Variants in ADCY8 observed in about 807,000 individuals in gnomAD.
ADCY8 encodes the protein adenylate cyclase type 8.
ADCY8 carries 51 observed loss-of-function variants against 119.7 expected under a neutral mutation model. That is an observed-to-expected ratio of 0.43 (90% CI 0.34 to 0.54). The LOEUF is 0.54. Ranked by LOEUF, ADCY8 falls within the 20% of genes least tolerant of loss-of-function variation. ADCY8 has a pLI of 0.03. For missense variants in ADCY8, 1,383 were observed against 1,598.8 expected (o/e 0.87, Z 2.30); for synonymous variants, 665 against 651.0 (o/e 1.02, Z -0.33).
intron 11 of ADCY8, among the ~76,000 whole-genome samples, chr8:130,843,040 A>C (rs1041905134): frequency 6.6e-6 from 1 of 152,008 alleles, no homozygotes; most frequent in African/African-American, 2.4e-5. Flanking sequence ...TAAATCCTAG[A>C]TATTTTTGTA....
intron 7 of ADCY8, among the ~76,000 whole-genome samples, chr8:130,889,845 T>C (rs1819120311): frequency 6.6e-6 from 1 of 152,132 alleles, no homozygotes; most frequent in African/African-American, 2.4e-5. Context: ...ATTTTATGCA[T>C]TGAAACATGT....
At chr8:130,948,955 C>G (rs1256248094) in intron 3 of ADCY8, among the ~76,000 whole-genome samples, 1 of 152,174 alleles carries the variant, frequency 6.6e-6, no homozygotes, top group Admixed American at 6.5e-5. Flanking sequence ...GCGGGCATCT[C>G]ACCACGCTGC....
At chr8:130,885,114 T>G (rs755788429) in intron 7 of ADCY8, among the ~76,000 whole-genome samples, 2 of 151,902 alleles carry the variant, frequency 1.3e-5, no homozygotes, top group Non-Finnish European at 2.9e-5. Context: ...AGAAAGTAAA[T>G]ATATGTTAAA....
At chr8:130,948,121 C>G (rs922557206) in intron 3 of ADCY8, among the ~76,000 whole-genome samples, 2 of 152,166 alleles carry the variant, frequency 1.3e-5, no homozygotes, top group Admixed American at 6.5e-5. Context: ...AACAAAGGAG[C>G]CTTTGTTCCT....
At position 130,855,693 on chromosome 8, in the gene ADCY8, G is replaced by A. The variant is rs549505561; in HGVS notation, c.2211-5890C>T. ...TGTCCAGTGCCAAGTCCAGATCCGC[G>A]GGCTCATCCTGGTCTTCTCCATCTC... On this transcript the variant is annotated intron_variant, in intron 9 of 17. Coordinates refer to ENST00000286355, the MANE Select transcript of ADCY8 (RefSeq NM_001115.3). Among the ~76,000 whole-genome samples the A allele has an allele frequency of 9.9e-5, 15 of 151,710 alleles. No individual in the cohort carries two copies. The East Asian group carries it at 2.3e-3, about 24-fold the overall frequency.
Position 131,008,469 on chromosome 8 carries a change from C to T in ADCY8, c.961-17927G>A, listed in dbSNP as rs151137852. ...GGCACTCATTCTCTCTTCTGCTGCC[C>T]TGTGAAGAAGTGCCTTACACTATAA... On this transcript the variant is annotated intron_variant, in intron 1 of 17. Coordinates refer to ENST00000286355, the MANE Select transcript of ADCY8 (RefSeq NM_001115.3). 5.0e-4 allele frequency among the ~76,000 whole-genome samples: 76 copies of T among 152,310 alleles called. No homozygotes were observed. In the East Asian group the frequency reaches 0.014, roughly 29 times the overall value.
At chr8:130,839,255 G>A (rs775793010) in intron 11 of ADCY8, among the ~76,000 whole-genome samples, 1 of 139,950 alleles carries the variant, frequency 7.1e-6, no homozygotes, top group Non-Finnish European at 1.6e-5. Context: ...GTGTTGATGG[G>A]TCTTTCTCGT....
intron 2 of ADCY8, among the ~76,000 whole-genome samples, chr8:130,971,541 A>G (rs925836821): frequency 6.6e-6 from 1 of 152,160 alleles, no homozygotes; most frequent in Non-Finnish European, 1.5e-5. Context: ...CAAACTCTCA[A>G]AATGATGCAA....
rs35806429 is a variant in ADCY8 at position 130,882,118 on chromosome 8, G to GTT, written c.2109+2444_2109+2445dup. The stretch of plus-strand genomic sequence containing the variant: ...TTTCCTCTTAGAAACCCATATTGAG[G>GTT]TTTTTTTTTTTTTTTTTTCCTTTCT... On this transcript the variant is annotated intron_variant, in intron 8 of 17. Transcript: ENST00000286355. Among the ~76,000 whole-genome samples, 170 of 133,054 alleles carry GTT rather than the reference G, an allele frequency of 1.3e-3. 1 individual carries two copies. The highest frequency in any genetic ancestry group is 3.4e-3 in the African/African-American group (120 of 35,236). The allele number at this position is 133,054 out of a possible 152,430, so 87.3% of individuals were successfully genotyped here.
At chr8:131,027,070 G>A (rs1475779951) in intron 1 of ADCY8, among the ~76,000 whole-genome samples, 2 of 152,166 alleles carry the variant, frequency 1.3e-5, no homozygotes, top group African/African-American at 4.8e-5. Flanking sequence ...TTGGCATATA[G>A]CAATCTCCAA....
At chr8:131,013,356 A>G (rs975110893) in intron 1 of ADCY8, among the ~76,000 whole-genome samples, 1 of 152,200 alleles carries the variant, frequency 6.6e-6, no homozygotes, top group Non-Finnish European at 1.5e-5. Flanking sequence ...GTGATCCTAC[A>G]GTGCCGTAGG....
rs370095105 is a variant in ADCY8 at position 130,990,512 on chromosome 8, T to C, written c.991A>G (p.Met331Val). 2 of 1,614,162 alleles carry C rather than the reference T, an allele frequency of 1.2e-6. No individual in the cohort carries two copies. The highest frequency in any genetic ancestry group is 1.1e-5 in the South Asian group (1 of 91,084). Residue 331 changes from methionine (M) to valine (V), a missense_variant, in exon 2 of 18, where the codon ATG (methionine) becomes GTG (valine). By Grantham distance (21) the Met-to-Val change is conservative. This residue lies in a region of ADCY8 where 928 missense variants were observed against 1,163.5 expected (regional missense o/e 0.80). Coordinates refer to ENST00000286355, the MANE Select transcript of ADCY8 (RefSeq NM_001115.3). ...VVAQAVLFMC[M>V]NTAGIFISYL... is the part of the protein sequence containing the mutation. The stretch of plus-strand genomic sequence containing the variant: ...CTGATGAAGATTCCAGCTGTGTTCA[T>C]ACACATGAATAGCACTGCCTGGGCC...
intron 5 of ADCY8, among the ~76,000 whole-genome samples, chr8:130,919,277 T>C (rs1050350930): frequency 1.3e-5 from 2 of 152,026 alleles, no homozygotes; most frequent in Non-Finnish European, 2.9e-5. Flanking sequence ...CCAAAGATTT[T>C]TGTGTGCATT....
chr8:131,013,616 G>T (rs1255472791), intron 1 of ADCY8, among the ~76,000 whole-genome samples: 4 of 152,206 alleles, frequency 2.6e-5, no homozygotes, highest in Admixed American at 6.5e-5. Context: ...TGTCAAGGAG[G>T]TAGTGTCAGC....
intron 1 of ADCY8, among the ~76,000 whole-genome samples, chr8:131,020,375 G>A (rs1823626672): frequency 6.6e-6 from 1 of 152,160 alleles, no homozygotes; most frequent in South Asian, 2.1e-4. Context: ...TGCACTTGAG[G>A]ACATTCAGCA....
At chr8:130,921,868 G>C (rs1820319362) in intron 5 of ADCY8, among the ~76,000 whole-genome samples, 1 of 152,170 alleles carries the variant, frequency 6.6e-6, no homozygotes, top group South Asian at 2.1e-4. Context: ...CATATTTCAT[G>C]TATTAGAAAG....
At chr8:130,996,512 T>C (rs894915113) in intron 1 of ADCY8, among the ~76,000 whole-genome samples, 12 of 152,082 alleles carry the variant, frequency 7.9e-5, no homozygotes, top group African/African-American at 2.9e-4. Context: ...TAAAGTAGAC[T>C]ATGCTGTATA....
chr8:130,864,398 T>C (rs1586499764), intron 9 of ADCY8, among the ~76,000 whole-genome samples: 1 of 152,202 alleles, frequency 6.6e-6, no homozygotes, highest in East Asian at 1.9e-4. Context: ...TTATTAATTT[T>C]GGAACATTCT....
chr8:130,938,618 T>C (rs1273910783), intron 4 of ADCY8, among the ~76,000 whole-genome samples: 1 of 152,190 alleles, frequency 6.6e-6, no homozygotes, highest in African/African-American at 2.4e-5. Flanking sequence ...AGCACTGTGT[T>C]GGTTTCCCAA....
Sources: gnomAD v4.1 joint callset for allele counts (sites outside exome capture counted in the v4.1 genomes callset) on GRCh38, gnomAD v4.1.1 for gene constraint, gnomAD v4.1.1 regional missense constraint, MANE v1.5 for transcripts, NCBI Gene and HGNC (gene_info 2026-07-23, HGNC 2026-07-21) for gene names.